ARHGEF3: variants seen among roughly 807,000 people sequenced by gnomAD.
ARHGEF3 encodes the protein Rho guanine nucleotide exchange factor 3, also known as 59.8 kDA protein.
In ARHGEF3, 28 loss-of-function variants were observed where a neutral mutation model predicts 63.2. The ratio of observed to expected loss-of-function variants is 0.44; its 90% CI spans 0.33 to 0.61. The LOEUF is 0.61. Among genes scored for constraint, ARHGEF3 ranks in the 20% least tolerant of loss-of-function variants. The pLI, the probability that ARHGEF3 is intolerant of heterozygous loss-of-function variation, is 0.03. For synonymous variants in ARHGEF3, 266 were observed against 254.2 expected, an observed-to-expected ratio of 1.05 and a Z score of -0.44; for missense variants, 533 against 659.3, an observed-to-expected ratio of 0.81 and a Z score of 2.10.
chr3:56,790,196 T>C (rs900675798), intron 1 of ARHGEF3, among the ~76,000 whole-genome samples: 1 of 152,192 alleles, frequency 6.6e-6, no homozygotes, highest in Non-Finnish European at 1.5e-5. Flanking sequence ...TGTTCCTCGA[T>C]GTTGGTGCCA....
chr3:56,983,573 G>T (rs1028789837), intron 2 of ARHGEF3, among the ~76,000 whole-genome samples: 6 of 152,204 alleles, frequency 3.9e-5, no homozygotes, highest in South Asian at 2.1e-4. Context: ...TAACACCAGA[G>T]AACAATGCAT....
intron 2 of ARHGEF3, among the ~76,000 whole-genome samples, chr3:56,980,067 A>T (rs1180219753): frequency 1.3e-5 from 2 of 152,206 alleles, no homozygotes; most frequent in Non-Finnish European, 2.9e-5. Flanking sequence ...AATGATGATG[A>T]TAACTCACGC....
At chr3:57,062,702 G>GCA (rs148193521) in intron 1 of ARHGEF3, among the ~76,000 whole-genome samples, 2,154 of 150,256 alleles carry the variant, frequency 0.014, 54 homozygotes, top group African/African-American at 0.048. Flanking sequence ...CTACACACAT[G>GCA]CACACACACA....
intron 4 of ARHGEF3, among the ~76,000 whole-genome samples, chr3:56,824,155 G>A (rs1205631777): frequency 6.6e-6 from 1 of 152,160 alleles, no homozygotes; most frequent in Non-Finnish European, 1.5e-5. Flanking sequence ...GCTTAACAGA[G>A]AGCTTTAAGC....
chr3:56,774,332 A>G (rs976862614), intron 1 of ARHGEF3, among the ~76,000 whole-genome samples: 16 of 152,182 alleles, frequency 1.1e-4, no homozygotes, highest in African/African-American at 3.9e-4. Flanking sequence ...AAGAAGTTCT[A>G]TTACTGGGCT....
chr3:56,818,729 G>A (rs1037006630), intron 4 of ARHGEF3, among the ~76,000 whole-genome samples: 3 of 152,146 alleles, frequency 2.0e-5, no homozygotes, highest in African/African-American at 7.2e-5. Context: ...ACCCCCTGCT[G>A]CCATCCTACG....
intron 4 of ARHGEF3, among the ~76,000 whole-genome samples, chr3:56,827,064 G>A (rs539569852): frequency 6.6e-6 from 1 of 152,044 alleles, no homozygotes; most frequent in African/African-American, 2.4e-5. Flanking sequence ...TGCTAACTAT[G>A]ACTCAAAGTC....
chr3:56,878,733 G>A (rs547815476), intron 4 of ARHGEF3, among the ~76,000 whole-genome samples: 9 of 152,286 alleles, frequency 5.9e-5, no homozygotes, highest in African/African-American at 1.9e-4. Flanking sequence ...AACAATCGAG[G>A]ATCCCTGTTC....
chr3:57,005,610 C>T (rs1702436913), intron 2 of ARHGEF3, among the ~76,000 whole-genome samples: 1 of 152,216 alleles, frequency 6.6e-6, no homozygotes, highest in Non-Finnish European at 1.5e-5. Flanking sequence ...ATCCTGCTCC[C>T]TATCGGGAGG....
intron 2 of ARHGEF3, among the ~76,000 whole-genome samples, chr3:56,968,287 A>AAT (rs1491145808): frequency 2.8e-5 from 1 of 35,506 alleles, no homozygotes; most frequent in Non-Finnish European, 5.6e-5. Flanking sequence ...AAATATATAT[A>AAT]ATATATATAA....
At chr3:56,773,884 T>C in intron 1 of ARHGEF3, 68 bp from the exon 2 acceptor site, 5 of 1,286,154 alleles carry the variant, frequency 3.9e-6, no homozygotes, top group South Asian at 2.7e-5. Flanking sequence ...AACTCCATCA[T>C]ACAACTGTGT....
chr3:57,040,396 GA>G (rs1704130358), intron 1 of ARHGEF3, among the ~76,000 whole-genome samples: 1 of 151,824 alleles, frequency 6.6e-6, no homozygotes, highest in Admixed American at 6.6e-5. Flanking sequence ...AGAATCACTT[GA>G]ACCCAGGAGA....
intron 1 of ARHGEF3, among the ~76,000 whole-genome samples, chr3:56,798,164 A>C (rs2037464126): frequency 6.6e-6 from 1 of 152,224 alleles, no homozygotes; most frequent in African/African-American, 2.4e-5. Context: ...GGGTCATGCA[A>C]GGCTACTGGC....
At chr3:57,054,942 C>A (rs745322586) in intron 1 of ARHGEF3, among the ~76,000 whole-genome samples, 3 of 151,790 alleles carry the variant, frequency 2.0e-5, no homozygotes, top group Non-Finnish European at 4.4e-5. Context: ...AGCCATCGCA[C>A]CCAGCAAAAA....
intron 1 of ARHGEF3, among the ~76,000 whole-genome samples, chr3:57,078,356 G>A (rs923779916): frequency 2.6e-5 from 4 of 152,220 alleles, no homozygotes; most frequent in Admixed American, 2.0e-4. Flanking sequence ...CGCCCAGTGC[G>A]GGAAGCAAGC....
At chr3:56,794,614 T>C (rs1334937460) in intron 1 of ARHGEF3, among the ~76,000 whole-genome samples, 1 of 152,074 alleles carries the variant, frequency 6.6e-6, no homozygotes, top group African/African-American at 2.4e-5. Context: ...CATCCTTCAG[T>C]ATCCAAGGGT....
intron 3 of ARHGEF3, among the ~76,000 whole-genome samples, chr3:56,895,920 G>C (rs780600924): frequency 6.6e-6 from 1 of 152,144 alleles, no homozygotes; most frequent in Non-Finnish European, 1.5e-5. Flanking sequence ...AGCTATTTTT[G>C]ATTAAATAAT....
At chr3:57,068,086 T>A (rs1170536162) in intron 1 of ARHGEF3, among the ~76,000 whole-genome samples, 1 of 152,002 alleles carries the variant, frequency 6.6e-6, no homozygotes, top group East Asian at 1.9e-4. Flanking sequence ...GGCAAGAGGA[T>A]CACTTGAGCC....
Position 56,894,237 on chromosome 3 carries a change from G to A in ARHGEF3, c.130-11883C>T, listed in dbSNP as rs570570224. 1.2e-4 allele frequency among the ~76,000 whole-genome samples: 19 copies of A among 152,296 alleles called. No individual in the cohort carries two copies. The South Asian group carries it at 3.3e-3, about 27-fold the overall frequency. On this transcript the variant is annotated intron_variant, in intron 3 of 12. Transcript: ENST00000338458. ...TTGTACACTGGAATCACCTGGGTCCGCTCAACTGTGTTCTTTCTGAGAACA... is the reference window on the plus strand; with the variant it reads ...TTGTACACTGGAATCACCTGGGTCCACTCAACTGTGTTCTTTCTGAGAACA...
Sources: gnomAD v4.1 joint callset for allele counts (sites outside exome capture counted in the v4.1 genomes callset) on GRCh38, gnomAD v4.1.1 for gene constraint, MANE v1.5 for transcripts, NCBI Gene and HGNC (gene_info 2026-07-23, HGNC 2026-07-21) for gene names.